SLC24A2: variants seen among roughly 807,000 people sequenced by gnomAD.
SLC24A2 encodes the protein solute carrier family 24 member 2.
In SLC24A2, 36 loss-of-function variants were observed where a neutral mutation model predicts 62.0. The ratio of observed to expected loss-of-function variants is 0.58; its 90% CI spans 0.44 to 0.77. The LOEUF (loss-of-function observed/expected upper bound fraction) is 0.77. SLC24A2 is among the 30% of genes least tolerant of loss of function. The pLI is 0.00. For synonymous variants in SLC24A2, 358 were observed against 294.0 expected (o/e 1.22, Z -2.23); for missense variants, 846 against 817.9 (o/e 1.03, Z -0.42).
chr9:20,111,134 T>C, the SLC24A2 span, among the ~76,000 whole-genome samples: 6 of 152,226 alleles, frequency 3.9e-5, no homozygotes, highest in Non-Finnish European at 7.3e-5. Context: ...AGCTGACTTA[T>C]GGTGGATGGC....
At chr9:19,955,388 T>G in the SLC24A2 span, among the ~76,000 whole-genome samples, 43 of 151,310 alleles carry the variant, frequency 2.8e-4, no homozygotes, top group East Asian at 6.4e-4. Context: ...TTTTTTTTTT[T>G]TTTGTTTTCC....
chr9:19,749,932 C>CTGGGA (rs1176437895), intron 2 of SLC24A2, among the ~76,000 whole-genome samples: 1 of 152,150 alleles, frequency 6.6e-6, no homozygotes, highest in East Asian at 1.9e-4. Flanking sequence ...ATTCTCCCAC[C>CTGGGA]TGGGATCACC....
At chr9:19,658,066 C>T (rs972491850) in intron 2 of SLC24A2, among the ~76,000 whole-genome samples, 2 of 152,148 alleles carry the variant, frequency 1.3e-5, no homozygotes, top group Non-Finnish European at 1.5e-5. Context: ...CAATGTACAT[C>T]AGGCACTGGA....
At chr9:19,795,497 T>C in the SLC24A2 span, among the ~76,000 whole-genome samples, 1 of 152,228 alleles carries the variant, frequency 6.6e-6, no homozygotes, top group South Asian at 2.1e-4. Flanking sequence ...ACTGTAAATC[T>C]TTCTCCCTGA....
the SLC24A2 span, among the ~76,000 whole-genome samples, chr9:20,191,260 G>A: frequency 6.6e-6 from 1 of 151,224 alleles, no homozygotes; most frequent in African/African-American, 2.4e-5. Context: ...TATCATTGAT[G>A]ATCTCCTTAG....
intron 2 of SLC24A2, among the ~76,000 whole-genome samples, chr9:19,654,291 G>T (rs1379303894): frequency 6.6e-6 from 1 of 152,100 alleles, no homozygotes; most frequent in Non-Finnish European, 1.5e-5. Context: ...GTCTTGCTTG[G>T]ACCTTTGGCT....
the SLC24A2 span, among the ~76,000 whole-genome samples, chr9:20,281,843 A>T: frequency 6.6e-6 from 1 of 152,232 alleles, no homozygotes; most frequent in Non-Finnish European, 1.5e-5. Flanking sequence ...TGATATCTCT[A>T]CAGTACTAAA....
chr9:19,829,976 TAA>T, the SLC24A2 span, among the ~76,000 whole-genome samples: 1 of 151,984 alleles, frequency 6.6e-6, no homozygotes, highest in Admixed American at 6.5e-5. Flanking sequence ...TTTTTTGATA[TAA>T]GAGGAAGAGT....
the SLC24A2 span, among the ~76,000 whole-genome samples, chr9:20,108,498 C>G: frequency 6.6e-6 from 1 of 152,158 alleles, no homozygotes; most frequent in African/African-American, 2.4e-5. Flanking sequence ...CACATATACA[C>G]CATGGAATAC....
At chr9:20,125,745 C>G in the SLC24A2 span, among the ~76,000 whole-genome samples, 1 of 152,176 alleles carries the variant, frequency 6.6e-6, no homozygotes, top group Non-Finnish European at 1.5e-5. Flanking sequence ...AACTCAAGTT[C>G]TGACTGTGGA....
At chr9:20,197,935 C>T in the SLC24A2 span, among the ~76,000 whole-genome samples, 2 of 152,168 alleles carry the variant, frequency 1.3e-5, no homozygotes, top group African/African-American at 4.8e-5. Context: ...ACATCACTGT[C>T]CCTGCAAATC....
the SLC24A2 span, among the ~76,000 whole-genome samples, chr9:19,833,050 C>G: frequency 6.6e-6 from 1 of 152,208 alleles, no homozygotes; most frequent in Non-Finnish European, 1.5e-5. Context: ...GATACCATCT[C>G]ACACCAGTTA....
At chr9:19,747,868 G>A (rs926414471) in intron 2 of SLC24A2, among the ~76,000 whole-genome samples, 11 of 152,120 alleles carry the variant, frequency 7.2e-5, no homozygotes, top group Non-Finnish European at 1.6e-4. Flanking sequence ...ATATCAGTGA[G>A]GTGTTTTGAT....
chr9:20,063,969 T>C, the SLC24A2 span, among the ~76,000 whole-genome samples: 1 of 152,350 alleles, frequency 6.6e-6, no homozygotes, highest in East Asian at 1.9e-4. Context: ...CCAGCCATTC[T>C]ACTCTTAAGA....
the SLC24A2 span, among the ~76,000 whole-genome samples, chr9:19,935,855 T>C: frequency 6.6e-6 from 1 of 151,962 alleles, no homozygotes; most frequent in African/African-American, 2.4e-5. Context: ...GTCAACCCAA[T>C]CCATTACCCT....
the SLC24A2 span, among the ~76,000 whole-genome samples, chr9:19,900,879 A>G: frequency 6.6e-6 from 1 of 152,216 alleles, no homozygotes; most frequent in African/African-American, 2.4e-5. Context: ...AAAGGAATGG[A>G]AAAACACATA....
the SLC24A2 span, among the ~76,000 whole-genome samples, chr9:19,961,077 AG>A: frequency 6.7e-6 from 1 of 148,530 alleles, no homozygotes; most frequent in East Asian, 2.0e-4. Context: ...GAAAGAGAGA[AG>A]AAAGGAGAAA....
chr9:19,866,121 G>A, the SLC24A2 span, among the ~76,000 whole-genome samples: 1 of 152,142 alleles, frequency 6.6e-6, no homozygotes, highest in Non-Finnish European at 1.5e-5. Context: ...TTAAACATCA[G>A]AGAAATGAAA....
At chr9:20,094,810 T>G in the SLC24A2 span, among the ~76,000 whole-genome samples, 2 of 152,180 alleles carry the variant, frequency 1.3e-5, no homozygotes, top group Non-Finnish European at 2.9e-5. Context: ...ATGATGTTAA[T>G]ATATATAGGT....
Sources: gnomAD v4.1 joint callset for allele counts (sites outside exome capture counted in the v4.1 genomes callset) on GRCh38, gnomAD v4.1.1 for gene constraint, MANE v1.5 for transcripts, NCBI Gene and HGNC (gene_info 2026-07-23, HGNC 2026-07-21) for gene names.